ZGRF1: variants seen among roughly 807,000 people sequenced by gnomAD.
ZGRF1 encodes the protein 5'-3' DNA helicase ZGRF1.
In ZGRF1, 196 loss-of-function variants were observed where a neutral mutation model predicts 203.5. The observed-to-expected ratio is 0.96, with a 90% CI of 0.86 to 1.08. The LOEUF is 1.08. Ranked by LOEUF, ZGRF1 falls within the 50% of genes least tolerant of loss-of-function variation. The probability of loss-of-function intolerance (pLI) is 0.00; values close to 1 mark genes in which losing one functional copy is unlikely to be tolerated. For synonymous variants in ZGRF1, 809 were observed against 841.3 expected (o/e 0.96, Z 0.66); for missense variants, 2,326 against 2,416.3 (o/e 0.96, Z 0.78).
At chr4:112,571,653 G>T (rs887816467) in intron 16 of ZGRF1, among the ~76,000 whole-genome samples, 1 of 151,920 alleles carries the variant, frequency 6.6e-6, no homozygotes, top group African/African-American at 2.4e-5. Flanking sequence ...CCAAAGTGTC[G>T]GGATTACAGG....
Position 112,623,865 on chromosome 4 carries a change from A to G in ZGRF1, c.114T>C (p.Tyr38=). The G allele has an allele frequency of 6.3e-7, 1 of 1,577,608 alleles. No homozygotes were observed. The highest frequency in any genetic ancestry group is 8.7e-7 in the Non-Finnish European group (1 of 1,151,720). Residue 38 remains tyrosine (Y), a synonymous_variant, in exon 4 of 28, where the codon TAT becomes TAC. Coordinates refer to ENST00000505019, the MANE Select transcript of ZGRF1 (RefSeq NM_018392.5). ...ITHLGNKAIL[Y]DDKGACLESL... ...TCTCCAAACATGCTCCTTTGTCATC[A>G]TATAAAATTGCCTGTATGAAAACAA...
At chr4:112,547,205 A>G in intron 24 of ZGRF1, 80 bp downstream of exon 24, 2 of 1,382,964 alleles carry the variant, frequency 1.4e-6, no homozygotes, top group Non-Finnish European at 1.9e-6. Context: ...GTCTTCTAAT[A>G]TTTTCATTCT....
chr4:112,582,092 C>T (rs1746366170), intron 15 of ZGRF1, among the ~76,000 whole-genome samples: 1 of 152,074 alleles, frequency 6.6e-6, no homozygotes, highest in Admixed American at 6.6e-5. Flanking sequence ...AATAGTTACA[C>T]ATATTTTGGG....
intron 16 of ZGRF1, among the ~76,000 whole-genome samples, chr4:112,571,027 C>A (rs541270568): frequency 6.6e-6 from 1 of 151,762 alleles, no homozygotes; most frequent in South Asian, 2.1e-4. Flanking sequence ...TCACTTGAAC[C>A]CAGGAGGTGG....
chr4:112,600,535 T>C (rs531197082), intron 10 of ZGRF1, among the ~76,000 whole-genome samples: 3 of 151,928 alleles, frequency 2.0e-5, no homozygotes, highest in East Asian at 3.9e-4. Flanking sequence ...CTACTAGAAA[T>C]ACAAAAATTA....
At chr4:112,586,363 CAATAT>C (rs1560809152) in intron 13 of ZGRF1, 77 bp downstream of exon 13, 3 of 1,037,056 alleles carry the variant, frequency 2.9e-6, no homozygotes, top group Non-Finnish European at 3.9e-6. Context: ...TGAAAATTCA[CAATAT>C]AATGTATTAA....
chr4:112,628,816 C>A, intron 3 of ZGRF1: 1 of 436,268 alleles, frequency 2.3e-6, no homozygotes, highest in South Asian at 1.7e-5. Flanking sequence ...AATCAGATGG[C>A]TTTTAAATAT....
At chr4:112,628,379 G>A (rs1027658109) in intron 3 of ZGRF1, among the ~76,000 whole-genome samples, 1 of 152,208 alleles carries the variant, frequency 6.6e-6, no homozygotes, top group Admixed American at 6.5e-5. Flanking sequence ...AGCCAGAATT[G>A]AAACTGAGGT....
rs749765414 is a variant in ZGRF1, at chr4:112,603,577, TAA to T, written c.2921_2922del (p.Phe974TyrfsTer9). On this transcript the variant is annotated frameshift_variant, in exon 10 of 28. Transcript: ENST00000505019. LOFTEE classifies it high-confidence loss of function. ...CTAGGTAACTCTGGTGTCTCTGTCA[TAA>T]AGTTTTCATACTCAGTGCTATCTGG... Reference protein sequence around the residue: ...QFPDSTEYENFMTETPELPST... With the variant: ...QFPDSTEYENXMTETPELPST... The T allele has an allele frequency of 6.2e-7, 1 of 1,613,874 alleles. No homozygotes were observed. Among genetic ancestry groups the T allele is most frequent in the South Asian group, 1.1e-5 (1 of 91,068 alleles).
intron 9 of ZGRF1, 189 bp downstream of exon 9, chr4:112,605,819 A>G: frequency 1.8e-6 from 1 of 555,840 alleles, no homozygotes; most frequent in Non-Finnish European, 3.2e-6. Flanking sequence ...TAGTATAGAG[A>G]AAGTTTAAGA....
intron 20 of ZGRF1, among the ~76,000 whole-genome samples, chr4:112,556,353 G>GA (rs535958548): frequency 3.4e-4 from 51 of 152,234 alleles, no homozygotes; most frequent in African/African-American, 1.2e-3. Context: ...TATGGTATAA[G>GA]AAAATCATTG....
rs557153629 is a variant in ZGRF1 at position 112,563,406 on chromosome 4, T to C, written c.4439-132A>G. 1.0e-4 allele frequency: 64 copies of C among 612,964 alleles called. No homozygotes were observed. In the African/African-American group the frequency reaches 1.1e-3, roughly 10 times the overall value. The allele number at this position is 612,964 out of a possible 1,614,324, so 38.0% of individuals were successfully genotyped here. On this transcript the variant is annotated intron_variant, in intron 16 of 27. Transcript: ENST00000505019. The stretch of plus-strand genomic sequence containing the variant: ...ACATATACATACACAAGATGAGAAG[T>C]AAAGTTCTGGAAAGATAATTCATCA...
At chr4:112,616,900 T>A (rs1049722993) in intron 6 of ZGRF1, among the ~76,000 whole-genome samples, 2 of 151,728 alleles carry the variant, frequency 1.3e-5, no homozygotes, top group Non-Finnish European at 2.9e-5. Flanking sequence ...TGGTATAGGA[T>A]TGGAATTAGA....
chr4:112,542,616 T>C (rs1416205469), intron 24 of ZGRF1, among the ~76,000 whole-genome samples: 1 of 152,178 alleles, frequency 6.6e-6, no homozygotes, highest in Non-Finnish European at 1.5e-5. Flanking sequence ...CTTTTTTCTT[T>C]CTTTTTTGAG....
chr4:112,627,247 T>C (rs1031306140), intron 3 of ZGRF1, among the ~76,000 whole-genome samples: 3 of 152,238 alleles, frequency 2.0e-5, no homozygotes, highest in East Asian at 1.9e-4. Context: ...TCACCTTCTA[T>C]ATCCAAGATC....
At chr4:112,575,435 C>G (rs1744989156) in intron 16 of ZGRF1, among the ~76,000 whole-genome samples, 1 of 152,088 alleles carries the variant, frequency 6.6e-6, no homozygotes, top group South Asian at 2.1e-4. Context: ...GGGTGCAGGA[C>G]AGTGGGTGCA....
chr4:112,571,951 G>A (rs974499047), intron 16 of ZGRF1, among the ~76,000 whole-genome samples: 10 of 152,230 alleles, frequency 6.6e-5, no homozygotes, highest in Admixed American at 5.9e-4. Context: ...ATAAAATAGG[G>A]AGTCAAGAAC....
chr4:112,606,155 T>C (rs1002243528), intron 8 of ZGRF1, 64 bp from the exon 9 acceptor site: 3 of 1,056,948 alleles, frequency 2.8e-6, no homozygotes, highest in Admixed American at 2.3e-5. Context: ...ATTCATGATT[T>C]TGATGGAAAA....
chr4:112,588,387 T>C (rs550702271), intron 11 of ZGRF1, among the ~76,000 whole-genome samples: 1 of 152,308 alleles, frequency 6.6e-6, no homozygotes, highest in South Asian at 2.1e-4. Flanking sequence ...AGACGGAAGC[T>C]CATGGTTCAT....
Sources: gnomAD v4.1 joint callset for allele counts (sites outside exome capture counted in the v4.1 genomes callset) on GRCh38, gnomAD v4.1.1 for gene constraint, MANE v1.5 for transcripts, NCBI Gene and HGNC (gene_info 2026-07-23, HGNC 2026-07-21) for gene names.